HUS1: variants seen among roughly 807,000 people sequenced by gnomAD.
HUS1 encodes HUS1 checkpoint clamp component.
HUS1 carries 31 observed loss-of-function variants against 32.6 expected under a neutral mutation model. That is an observed-to-expected ratio of 0.95 (90% CI 0.72 to 1.28). The LOEUF is 1.28. HUS1 is among the 50% of genes most tolerant of loss of function. The pLI is 0.00. For synonymous variants in HUS1, 123 were observed against 116.6 expected (o/e 1.06, Z -0.36); for missense variants, 340 against 337.7 (o/e 1.01, Z -0.05).
Position 47,978,498 on chromosome 7 carries a change from C to G in HUS1, c.276G>C (p.Leu92Phe). Residue 92 changes from leucine to phenylalanine, a missense_variant, in exon 3 of 8, where the codon TTG becomes TTC. Transcript: ENST00000258774. ...AAGCCCTGGCATTCTGGGCAGTCTT[C>G]AAGGCTCGAGATAAGTTTTCCGATG... is the stretch of plus-strand genomic sequence containing the variant. ...ELTSENLSRA[L>F]KTAQNARALK... 1 of 1,614,214 alleles carries G rather than the reference C, an allele frequency of 6.2e-7. No homozygotes were observed. Among genetic ancestry groups the G allele is most frequent in the Non-Finnish European group, 8.5e-7 (1 of 1,180,024 alleles).
rs1333865563 is a variant in HUS1 at position 47,964,485 on chromosome 7, C to T, written c.*871G>A. ...ATGGGTATGTTTCAGGGAGAATGAG[C>T]ACATCTACCAGTACTGAATCAGCTT... On this transcript the variant is annotated 3_prime_UTR_variant, in exon 8 of 8. Coordinates refer to ENST00000258774, the MANE Select transcript of HUS1 (RefSeq NM_004507.4). The T allele has an allele frequency of 1.3e-5, 2 of 152,296 alleles. No individual in the cohort carries two copies. Among genetic ancestry groups the T allele is most frequent in the African/African-American group, 4.8e-5 (2 of 41,550 alleles). 9.4% of individuals were successfully genotyped at this position (152,296 alleles called of 1,614,324 possible).
chr7:47,969,299 T>A lies in HUS1; in HGVS notation c.560A>T (p.Asp187Val). Residue 187 changes from aspartate (D) to valine (V), a missense_variant, in exon 6 of 8, where the codon GAT becomes GTT. Asp to Val is a radical substitution (Grantham distance 152). Transcript: ENST00000258774. The stretch of plus-strand genomic sequence containing the variant: ...TTCTATTTTCAAATTCAATTCTCCA[T>A]CTAGGTTTGCTTCAATAACCTGCAA... ...SNHLVIEANL[D>V]GELNLKIETE... 2 of 1,587,264 alleles carry A rather than the reference T, an allele frequency of 1.3e-6. No individual in the cohort carries two copies. The highest frequency in any genetic ancestry group is 1.7e-6 in the Non-Finnish European group (2 of 1,159,588).
In HUS1 at chr7:47,978,756, TTA is replaced by T. The variant is rs1788763595; in HGVS notation, c.111_112del (p.Asp37GlufsTer3). Reference sequence around the variant, plus strand: ...CTTGTCACAAAGGATGAAGTTAAGCTTATCAGGGCTGATGCGGAGGGTGCAGG... The same window carrying T: ...CTTGTCACAAAGGATGAAGTTAAGCTTCAGGGCTGATGCGGAGGGTGCAGG... On this transcript the variant is annotated frameshift_variant, in exon 2 of 8. Transcript: ENST00000258774. LOFTEE classifies it high-confidence loss of function. 1.2e-6 allele frequency: 2 copies of T among 1,614,238 alleles called. No individual in the cohort carries two copies. Among genetic ancestry groups the T allele is most frequent in the Non-Finnish European group, 8.5e-7 (1 of 1,180,036 alleles).
chr7:47,979,017 T>TC (rs1788769703), intron 1 of HUS1: 1 of 580,976 alleles, frequency 1.7e-6, no homozygotes, highest in African/African-American at 1.9e-5. Context: ...ACAGCACACA[T>TC]CATCAGTGTT....
chr7:47,967,793 G>A lies in HUS1; in HGVS notation c.760+13C>T, dbSNP rs777123221. On this transcript the variant is annotated intron_variant, in intron 7 of 7. Transcript: ENST00000258774. ...GAAAGAATATGAAAAACAAAACAGA[G>A]AAGCACACTCACTGCATAAGGCCTT... The A allele has an allele frequency of 1.2e-6, 2 of 1,607,836 alleles. No homozygotes were observed. Among genetic ancestry groups the A allele is most frequent in the South Asian group, 2.2e-5 (2 of 89,954 alleles).
At chr7:47,973,692 C>T (rs1788642496) in intron 5 of HUS1, among the ~76,000 whole-genome samples, 1 of 152,222 alleles carries the variant, frequency 6.6e-6, no homozygotes, top group African/African-American at 2.4e-5. Context: ...AACTTGATAA[C>T]TTTCCATTTA....
At chr7:47,966,135 G>GA (rs537349622) in intron 7 of HUS1, among the ~76,000 whole-genome samples, 121,038 of 151,824 alleles carry the variant, frequency 0.8, 48,772 homozygotes, top group East Asian at 0.98. Flanking sequence ...GGACAAGCAG[G>GA]AGACAAACAT....
Position 47,976,719 on chromosome 7 carries a change from G to C in HUS1, c.465+11C>G, listed in dbSNP as rs764017654. On this transcript the variant is annotated intron_variant, in intron 4 of 7. Coordinates refer to ENST00000258774, the MANE Select transcript of HUS1 (RefSeq NM_004507.4). ...TGTGGGGTGTACAGCAGGACTGCAG[G>C]CATCACCTACATCAGGATCTGGGAC... 4 of 1,453,970 alleles carry C rather than the reference G, an allele frequency of 2.8e-6. No homozygotes were observed. The highest frequency in any genetic ancestry group is 2.3e-5 in the East Asian group (1 of 44,098). The allele number at this position is 1,453,970 out of a possible 1,614,324, so 90.1% of individuals were successfully genotyped here.
At chr7:47,967,553 C>A (rs1453596379) in intron 7 of HUS1, among the ~76,000 whole-genome samples, 1 of 152,202 alleles carries the variant, frequency 6.6e-6, no homozygotes, top group African/African-American at 2.4e-5. Context: ...AACCCACCTA[C>A]CAACCAGTGT....
intron 4 of HUS1, chr7:47,976,192 T>C (rs1583723517): frequency 1.1e-5 from 4 of 365,754 alleles, no homozygotes; most frequent in Middle Eastern, 3.9e-4. Context: ...TGCCATCTAG[T>C]AAAAGTCAAG....
At chr7:47,972,437 G>A (rs1788617624) in intron 5 of HUS1, among the ~76,000 whole-genome samples, 1 of 152,142 alleles carries the variant, frequency 6.6e-6, no homozygotes, top group South Asian at 2.1e-4. Context: ...GTGGCCTTAA[G>A]TCAATACTTA....
intron 6 of HUS1, 183 bp downstream of exon 6, chr7:47,969,036 G>C (rs755184704): frequency 1.9e-6 from 1 of 533,510 alleles, no homozygotes; most frequent in Non-Finnish European, 3.3e-6. Flanking sequence ...TCTCCCCCTG[G>C]TGGCTAACTG....
intron 4 of HUS1, 31 bp downstream of exon 4, chr7:47,976,699 G>T: frequency 8.9e-7 from 1 of 1,124,256 alleles, no homozygotes; most frequent in Non-Finnish European, 1.4e-6. Context: ...TTTAATGTGG[G>T]GTGTACAGCA....
At chr7:47,978,667 C>G in intron 2 of HUS1, 22 bp downstream of exon 2, 1 of 1,613,780 alleles carries the variant, frequency 6.2e-7, no homozygotes, top group Non-Finnish European at 8.5e-7. Flanking sequence ...AGTGTGCAGG[C>G]CTCTCAGAAG....
intron 6 of HUS1, chr7:47,968,967 C>T (rs1365894513): frequency 8.4e-6 from 3 of 358,518 alleles, no homozygotes; most frequent in East Asian, 1.1e-4. Context: ...TAACTTGATC[C>T]GAATTCTACA....
In HUS1 at chr7:47,972,802, C is replaced by CCTA. The variant is rs558110697; in HGVS notation, c.540+2808_540+2810dup. On this transcript the variant is annotated intron_variant, in intron 5 of 7. Transcript: ENST00000258774. ...GACTCCCCTCTTCCATATCATGACT[C>CCTA]CTAAACATAGACTCTGGTTTCTATC... Among the ~76,000 whole-genome samples, 115 of 152,296 alleles carry CCTA rather than the reference C, an allele frequency of 7.6e-4. 1 individual carries two copies. The highest frequency in any genetic ancestry group is 3.4e-3 in the Middle Eastern group (1 of 294).
chr7:47,979,292 C>T (rs1562592126), intron 1 of HUS1, 176 bp downstream of exon 1: 1 of 417,952 alleles, frequency 2.4e-6, no homozygotes, highest in Non-Finnish European at 4.4e-6. Flanking sequence ...CCGACCCGCC[C>T]CGCGCCCTCC....
rs750116033 is a variant in HUS1 at position 47,978,428 on chromosome 7, A to C, written c.346T>G (p.Ser116Ala). Residue 116 changes from serine (S) to alanine (A), a missense_variant, in exon 3 of 8, where the codon TCC becomes GCC. Physicochemically the swap from Ser to Ala is moderately conservative, Grantham distance 99. Transcript: ENST00000258774. ...ACTCTCCTACTCACCAGCTCCACGG[A>C]GACCGTGAGGCAGGGAAAGTGTTTA... ...TNKHFPCLTV[S>A]VELLSMSSSS... 5.0e-6 allele frequency: 8 copies of C among 1,613,808 alleles called. No homozygotes were observed. The Admixed American group carries it at 1.3e-4, about 27-fold the overall frequency.
intron 5 of HUS1, chr7:47,971,395 C>A (rs958786795): frequency 6.7e-5 from 30 of 449,832 alleles, no homozygotes; most frequent in East Asian, 3.5e-4. Context: ...CCATCGGGCA[C>A]CCCTCTTCTA....
Sources: allele counts gnomAD v4.1 joint callset (sites outside exome capture counted in the v4.1 genomes callset), GRCh38; gene constraint gnomAD v4.1.1; transcripts MANE v1.5; gene names NCBI Gene and HGNC (gene_info 2026-07-23, HGNC 2026-07-21).